The following FGGY variants were observed in gnomAD, a reference collection of about 807,000 sequenced individuals.
FGGY encodes the protein FGGY carbohydrate kinase domain-containing protein.
FGGY carries 72 observed loss-of-function variants against 71.3 expected under a neutral mutation model. That is an observed-to-expected ratio of 1.01 (90% confidence interval 0.84 to 1.23). The LOEUF (loss-of-function observed/expected upper bound fraction) is 1.23, where lower values mean the gene tolerates loss of function less well. Among genes scored for constraint, FGGY ranks in the 50% most tolerant of loss-of-function variants. The pLI is 0.00. For synonymous variants in FGGY, 251 were observed against 250.3 expected, an observed-to-expected ratio of 1.00 and a Z score of -0.02; for missense variants, 668 against 682.3, an observed-to-expected ratio of 0.98 and a Z score of 0.23.
At chr1:59,621,440 C>T (rs1283357121) in intron 9 of FGGY, among the ~76,000 whole-genome samples, 1 of 108,364 alleles carries the variant, frequency 9.2e-6, no homozygotes, top group African/African-American at 3.6e-5. Context: ...GCCTAAAGAA[C>T]TTGTCTTAGC....
intron 2 of FGGY, 104 bp downstream of exon 2, chr1:59,321,854 A>G (rs2046451591): frequency 8.4e-7 from 1 of 1,184,222 alleles, no homozygotes; most frequent in East Asian, 2.6e-5. Context: ...TTAGATGCAG[A>G]GGTAAGCAAG....
At chr1:59,523,031 C>T (rs967553820) in intron 7 of FGGY, among the ~76,000 whole-genome samples, 6 of 151,954 alleles carry the variant, frequency 3.9e-5, no homozygotes, top group South Asian at 2.1e-4. Context: ...AGTATATGGC[C>T]GAGAAAATTA....
At chr1:59,653,317 C>T (rs2097184647) in intron 11 of FGGY, among the ~76,000 whole-genome samples, 1 of 152,242 alleles carries the variant, frequency 6.6e-6, no homozygotes, top group South Asian at 2.1e-4. Context: ...TTTACCTAAG[C>T]AAGCCTGGGC....
At chr1:59,317,962 G>C (rs892889734) in intron 1 of FGGY, among the ~76,000 whole-genome samples, 2 of 152,210 alleles carry the variant, frequency 1.3e-5, no homozygotes, top group South Asian at 4.1e-4. Context: ...CCTGGGTTCT[G>C]AGTCAGCCAA....
chr1:59,444,875 A>G (rs1475785005), intron 5 of FGGY, among the ~76,000 whole-genome samples: 1 of 152,188 alleles, frequency 6.6e-6, no homozygotes, highest in Non-Finnish European at 1.5e-5. Context: ...GACCGCTGGT[A>G]TAAAACAGAG....
chr1:59,646,464 A>AAT (rs900648694), intron 11 of FGGY, among the ~76,000 whole-genome samples: 11 of 150,374 alleles, frequency 7.3e-5, no homozygotes, highest in Admixed American at 1.3e-4. Context: ...AATTTTACTG[A>AAT]ATATATATAT....
At chr1:59,462,217 C>T (rs967051957) in intron 6 of FGGY, among the ~76,000 whole-genome samples, 1 of 152,124 alleles carries the variant, frequency 6.6e-6, no homozygotes, top group Non-Finnish European at 1.5e-5. Context: ...AAAGGATTCC[C>T]TATTTAATAA....
At chr1:59,402,388 G>T (rs985487294) in intron 5 of FGGY, among the ~76,000 whole-genome samples, 6 of 152,190 alleles carry the variant, frequency 3.9e-5, no homozygotes, top group Non-Finnish European at 5.9e-5. Flanking sequence ...AGGACCAAGA[G>T]TGGGCTACAT....
At chr1:59,360,862 G>T (rs1348408370) in intron 4 of FGGY, among the ~76,000 whole-genome samples, 1 of 152,190 alleles carries the variant, frequency 6.6e-6, no homozygotes, top group Non-Finnish European at 1.5e-5. Flanking sequence ...CTGTTTGAGT[G>T]GGTGGGAACA....
chr1:59,761,753 T>A (rs2101937283), intron 15 of FGGY, among the ~76,000 whole-genome samples: 1 of 152,298 alleles, frequency 6.6e-6, no homozygotes, highest in Middle Eastern at 3.4e-3. Context: ...AGAAAAGGCA[T>A]TAGCTACATT....
At position 59,413,736 on chromosome 1, in the gene FGGY, G is replaced by A. The variant is rs563538226; in HGVS notation, c.554+34899G>A. Reference sequence around the variant, plus strand: ...AGCACTTTGAGGGGCCGAGGTGTGCGGATTGCTTGAGGCTAGGAGTTTGAG... The same window carrying A: ...AGCACTTTGAGGGGCCGAGGTGTGCAGATTGCTTGAGGCTAGGAGTTTGAG... On this transcript the variant is annotated intron_variant, in intron 5 of 15. Transcript: ENST00000303721. Among the ~76,000 whole-genome samples, 17 of 152,284 alleles carry A rather than the reference G, an allele frequency of 1.1e-4. No individual in the cohort carries two copies. The South Asian group carries it at 1.9e-3, about 17-fold the overall frequency.
intron 1 of FGGY, among the ~76,000 whole-genome samples, chr1:59,315,358 C>T (rs973848857): frequency 6.6e-6 from 1 of 152,052 alleles, no homozygotes; most frequent in African/African-American, 2.4e-5. Context: ...CACTTAACTG[C>T]CAGTTCAGTT....
At chr1:59,430,039 C>G (rs538258425) in intron 5 of FGGY, among the ~76,000 whole-genome samples, 1 of 152,174 alleles carries the variant, frequency 6.6e-6, no homozygotes, top group African/African-American at 2.4e-5. Context: ...CTTCCTGCCC[C>G]CTCCTCACAC....
chr1:59,483,916 TGAAGG>T, intron 6 of FGGY, among the ~76,000 whole-genome samples: 1 of 152,216 alleles, frequency 6.6e-6, no homozygotes, highest in African/African-American at 2.4e-5. Context: ...GCAGGGGTCT[TGAAGG>T]GAAGATGTCT....
At chr1:59,630,840 A>G (rs1462635771) in intron 10 of FGGY, among the ~76,000 whole-genome samples, 1 of 152,046 alleles carries the variant, frequency 6.6e-6, no homozygotes, top group East Asian at 1.9e-4. Flanking sequence ...ACCTCTTTTC[A>G]CATAACTTCA....
chr1:59,422,624 G>A (rs983396339), intron 5 of FGGY, among the ~76,000 whole-genome samples: 2 of 152,054 alleles, frequency 1.3e-5, no homozygotes, highest in South Asian at 4.2e-4. Context: ...GAGCCCAGGA[G>A]GTTGAGGCTG....
chr1:59,583,559 T>C lies in FGGY; in HGVS notation c.904-24244T>C, dbSNP rs1459109807. On this transcript the variant is annotated intron_variant, in intron 8 of 15. Transcript: ENST00000303721. ...AAGGTCTCTAGAAAACCTTGGTTGT[T>C]TAGACATGTTTTAGGGACATTGAAA... is the stretch of plus-strand genomic sequence containing the variant. Among the ~76,000 whole-genome samples the C allele has an allele frequency of 5.6e-5, 8 of 142,512 alleles. 2 individuals carry two copies. The highest frequency in any genetic ancestry group is 2.2e-4 in the African/African-American group (8 of 36,198). The allele number at this position is 142,512 out of a possible 152,430, so 93.5% of individuals were successfully genotyped here.
intron 8 of FGGY, among the ~76,000 whole-genome samples, chr1:59,599,270 A>C (rs1385351030): frequency 1.3e-5 from 2 of 151,928 alleles, no homozygotes; most frequent in African/African-American, 4.8e-5. Context: ...CACCTAGCTA[A>C]TTTTTGTATT....
intron 11 of FGGY, among the ~76,000 whole-genome samples, chr1:59,651,891 C>T (rs1013826541): frequency 7.2e-5 from 11 of 151,932 alleles, no homozygotes; most frequent in East Asian, 3.9e-4. Context: ...CGGCTGGTAC[C>T]GATTGTTCCT....
Sources: allele counts gnomAD v4.1 joint callset (sites outside exome capture counted in the v4.1 genomes callset), GRCh38; gene constraint gnomAD v4.1.1; transcripts MANE v1.5; gene names NCBI Gene and HGNC (gene_info 2026-07-23, HGNC 2026-07-21).